The following LINGO2 variants were observed in gnomAD, a reference collection of about 807,000 sequenced individuals.
LINGO2 encodes leucine-rich repeat and immunoglobulin-like domain-containing nogo receptor-interacting protein 2.
LINGO2 carries 14 observed loss-of-function variants against 30.6 expected under a neutral mutation model. The observed-to-expected ratio is 0.46, with a 90% confidence interval of 0.30 to 0.72. The LOEUF (loss-of-function observed/expected upper bound fraction) is 0.72. Ranked by LOEUF, LINGO2 falls within the 30% of genes least tolerant of loss-of-function variation. The probability of loss-of-function intolerance (pLI) is 0.07; values close to 1 mark genes in which losing one functional copy is unlikely to be tolerated. For missense variants in LINGO2, 729 were observed against 751.7 expected (o/e 0.97, Z 0.35); for synonymous variants, 317 against 288.5 (o/e 1.10, Z -1.00).
chr9:28,026,401 G>T (rs1823377682), intron 4 of LINGO2, among the ~76,000 whole-genome samples: 1 of 152,120 alleles, frequency 6.6e-6, no homozygotes, highest in Admixed American at 6.6e-5. Flanking sequence ...CACCTGGATG[G>T]CTTGATAAGG....
At chr9:28,183,431 T>A (rs562184947) in intron 4 of LINGO2, among the ~76,000 whole-genome samples, 1 of 151,942 alleles carries the variant, frequency 6.6e-6, no homozygotes, top group South Asian at 2.1e-4. Flanking sequence ...AATTTTTTTT[T>A]AAGAAAAGAA....
chr9:28,756,783 T>G, the LINGO2 span, among the ~76,000 whole-genome samples: 1 of 151,968 alleles, frequency 6.6e-6, no homozygotes, highest in African/African-American at 2.4e-5. Context: ...AGGTAAGACA[T>G]GCCTTCTTCC....
the LINGO2 span, among the ~76,000 whole-genome samples, chr9:29,192,595 C>T: frequency 1.3e-5 from 2 of 151,974 alleles, no homozygotes; most frequent in Non-Finnish European, 2.9e-5. Context: ...AAACAACTTG[C>T]CAGTGATATA....
At chr9:28,874,460 T>C in the LINGO2 span, among the ~76,000 whole-genome samples, 1 of 152,120 alleles carries the variant, frequency 6.6e-6, no homozygotes, top group African/African-American at 2.4e-5. Flanking sequence ...GTGTATTACA[T>C]GTATTATTTT....
intron 1 of LINGO2, among the ~76,000 whole-genome samples, chr9:28,494,192 C>A (rs1819493180): frequency 6.6e-6 from 1 of 151,960 alleles, no homozygotes. Flanking sequence ...ACACAATTAC[C>A]TTTGTATCAA....
At chr9:28,395,679 A>G (rs1324880417) in intron 2 of LINGO2, among the ~76,000 whole-genome samples, 1 of 152,226 alleles carries the variant, frequency 6.6e-6, no homozygotes, top group Non-Finnish European at 1.5e-5. Flanking sequence ...TACCATTTAT[A>G]TACTTAAACA....
chr9:28,950,471 G>T, the LINGO2 span, among the ~76,000 whole-genome samples: 1 of 152,112 alleles, frequency 6.6e-6, no homozygotes, highest in Admixed American at 6.6e-5. Flanking sequence ...GCTTGCAAAT[G>T]ACATGATTGC....
the LINGO2 span, among the ~76,000 whole-genome samples, chr9:28,744,609 CGTGTGT>C: frequency 1.6e-4 from 22 of 133,976 alleles, no homozygotes; most frequent in East Asian, 1.9e-3. Context: ...ATATTCCCCT[CGTGTGT>C]GTGTGTGTGT....
At chr9:28,223,339 C>T (rs1490022777) in intron 4 of LINGO2, among the ~76,000 whole-genome samples, 1 of 152,160 alleles carries the variant, frequency 6.6e-6, no homozygotes, top group Non-Finnish European at 1.5e-5. Context: ...ATGCTGTGGT[C>T]TCACATGGAA....
Position 28,514,386 on chromosome 9 carries a change from C to T in LINGO2, c.-364-38361G>A, listed in dbSNP as rs553178764. ...GATAGGCTGAAAACTATGCCTCTTTCGCCAGTTAGATAAGTTGTGAATGCA... is the reference window on the plus strand; with the variant it reads ...GATAGGCTGAAAACTATGCCTCTTTTGCCAGTTAGATAAGTTGTGAATGCA... On this transcript the variant is annotated intron_variant, in intron 1 of 5. Transcript: ENST00000379992. Among the ~76,000 whole-genome samples the T allele has an allele frequency of 5.9e-5, 9 of 152,176 alleles. No homozygotes were observed. In the South Asian group the frequency reaches 6.2e-4, roughly 11 times the overall value.
the LINGO2 span, among the ~76,000 whole-genome samples, chr9:29,032,789 C>T: frequency 6.6e-5 from 10 of 152,280 alleles, no homozygotes; most frequent in East Asian, 1.7e-3. Flanking sequence ...TTAGTCACAA[C>T]AGCCACTTTT....
intron 1 of LINGO2, among the ~76,000 whole-genome samples, chr9:28,649,732 G>C (rs978594575): frequency 2.6e-5 from 4 of 151,972 alleles, no homozygotes; most frequent in African/African-American, 9.7e-5. Flanking sequence ...CTAATCACTG[G>C]GTTGGGAATG....
chr9:28,596,779 C>T (rs1825204547), intron 1 of LINGO2, among the ~76,000 whole-genome samples: 1 of 152,088 alleles, frequency 6.6e-6, no homozygotes, highest in African/African-American at 2.4e-5. Flanking sequence ...TATGCACAGT[C>T]TGATAGTATA....
At chr9:29,145,637 C>T in the LINGO2 span, among the ~76,000 whole-genome samples, 1 of 152,114 alleles carries the variant, frequency 6.6e-6, no homozygotes, top group Non-Finnish European at 1.5e-5. Flanking sequence ...AAACAATTTT[C>T]CCAACTAAAT....
At chr9:29,189,478 C>T in the LINGO2 span, among the ~76,000 whole-genome samples, 3 of 151,422 alleles carry the variant, frequency 2.0e-5, no homozygotes, top group African/African-American at 7.3e-5. Flanking sequence ...AGAGGCGCTC[C>T]TCACATCCCA....
At chr9:28,664,996 CATATATAT>C (rs10527878) in intron 1 of LINGO2, among the ~76,000 whole-genome samples, 5,846 of 96,124 alleles carry the variant, frequency 0.061, 189 homozygotes, top group Non-Finnish European at 0.079. Context: ...TATGTGTTTA[CATATATAT>C]ATATATATAT....
At chr9:29,043,821 A>C in the LINGO2 span, among the ~76,000 whole-genome samples, 1 of 152,202 alleles carries the variant, frequency 6.6e-6, no homozygotes, top group East Asian at 1.9e-4. Context: ...CACATGATGT[A>C]TATGCAAAGA....
At chr9:29,200,619 C>A in the LINGO2 span, among the ~76,000 whole-genome samples, 3 of 152,044 alleles carry the variant, frequency 2.0e-5, no homozygotes, top group Non-Finnish European at 4.4e-5. Context: ...CCCAGTTTTT[C>A]CTACTATAAA....
chr9:29,059,626 TA>T, the LINGO2 span, among the ~76,000 whole-genome samples: 1 of 151,760 alleles, frequency 6.6e-6, no homozygotes, highest in East Asian at 1.9e-4. Context: ...ACACAATTTA[TA>T]AAAAAAGGAG....
Sources: allele counts gnomAD v4.1 joint callset (sites outside exome capture counted in the v4.1 genomes callset), GRCh38; gene constraint gnomAD v4.1.1; transcripts MANE v1.5; gene names NCBI Gene and HGNC (gene_info 2026-07-23, HGNC 2026-07-21).